Variants in ZNRF1 observed in about 807,000 individuals in gnomAD.
The protein encoded by ZNRF1 is zinc and ring finger 1.
In ZNRF1, 3 loss-of-function variants were observed where a neutral mutation model predicts 18.4. The ratio of observed to expected loss-of-function variants is 0.16; its 90% confidence interval spans 0.07 to 0.42. ZNRF1 has a LOEUF of 0.42. Among genes scored for constraint, ZNRF1 ranks in the 10% least tolerant of loss-of-function variants. The pLI is 0.99. For synonymous variants in ZNRF1, 157 were observed against 144.2 expected, an observed-to-expected ratio of 1.09 and a Z score of -0.64; for missense variants, 310 against 329.8, an observed-to-expected ratio of 0.94 and a Z score of 0.47.
intron 1 of ZNRF1, among the ~76,000 whole-genome samples, chr16:75,019,053 C>A (rs1281015510): frequency 6.6e-6 from 1 of 152,134 alleles, no homozygotes; most frequent in Non-Finnish European, 1.5e-5. Context: ...GTAATCCCAG[C>A]TACTCAGGAG....
chr16:75,059,225 CTTTCT>C (rs1285741972), intron 1 of ZNRF1, among the ~76,000 whole-genome samples: 11 of 97,294 alleles, frequency 1.1e-4, no homozygotes, highest in South Asian at 3.6e-4. Flanking sequence ...TTCCTTCTTT[CTTTCT>C]TTTTTTTTTT....
intron 1 of ZNRF1, among the ~76,000 whole-genome samples, chr16:75,067,962 C>T (rs942964483): frequency 6.6e-6 from 1 of 152,072 alleles, no homozygotes; most frequent in African/African-American, 2.4e-5. Flanking sequence ...TATTTATAAT[C>T]ATGTATTTAT....
chr16:75,085,898 T>C (rs746157762), intron 1 of ZNRF1, among the ~76,000 whole-genome samples: 3 of 151,076 alleles, frequency 2.0e-5, no homozygotes, highest in Non-Finnish European at 4.4e-5. Context: ...AGAAATCCCA[T>C]GATCTACCAT....
intron 1 of ZNRF1, among the ~76,000 whole-genome samples, chr16:75,025,944 G>A (rs1399486375): frequency 6.6e-6 from 1 of 152,226 alleles, no homozygotes; most frequent in Non-Finnish European, 1.5e-5. Flanking sequence ...TCTGCACTCA[G>A]CCTGGTGCTT....
At chr16:75,077,794 C>T (rs1305942680) in intron 1 of ZNRF1, among the ~76,000 whole-genome samples, 1 of 152,196 alleles carries the variant, frequency 6.6e-6, no homozygotes, top group Non-Finnish European at 1.5e-5. Flanking sequence ...GCCACGCTTT[C>T]CTTGGCTCAT....
intron 1 of ZNRF1, among the ~76,000 whole-genome samples, chr16:75,070,676 C>G (rs1480259611): frequency 1.3e-5 from 2 of 152,138 alleles, no homozygotes; most frequent in Admixed American, 6.5e-5. Flanking sequence ...CCCACCATAC[C>G]CCTTCCCAGT....
chr16:75,050,898 AC>A (rs1281156834), intron 1 of ZNRF1, among the ~76,000 whole-genome samples: 11,569 of 54,724 alleles, frequency 0.21, 4,287 homozygotes, highest in Non-Finnish European at 0.31. Context: ...ACAAAAAAAA[AC>A]AAAAAACTTG....
At chr16:75,000,198 C>G (rs764842063) in intron 1 of ZNRF1, 103 bp downstream of exon 1, 1 of 1,455,934 alleles carries the variant, frequency 6.9e-7, no homozygotes, top group East Asian at 2.5e-5. Flanking sequence ...CGACCGGGAT[C>G]TGTCTGCATT....
chr16:75,051,536 G>GGA (rs2035605461), intron 1 of ZNRF1, among the ~76,000 whole-genome samples: 1 of 150,414 alleles, frequency 6.6e-6, no homozygotes, highest in South Asian at 2.1e-4. Context: ...TTTTTTGGGG[G>GGA]GGACGGAGTC....
intron 1 of ZNRF1, among the ~76,000 whole-genome samples, chr16:75,085,786 C>CAGAGAGAGAGAG (rs1159653292): frequency 4.1e-5 from 2 of 48,900 alleles, no homozygotes; most frequent in African/African-American, 1.7e-4. Context: ...ACAGATCCGA[C>CAGAGAGAGAGAG]AGAGTGAGAG....
Position 74,999,418 on chromosome 16 carries a change from TTTGGACC to T in ZNRF1, c.-250_-244del. The stretch of plus-strand genomic sequence containing the variant: ...CGGAGCCCGCGCCGGACTGCGCCTC[TTTGGACC>T]TTGAGGGGAAACATGCGTTTGCCTT... On this transcript the variant is annotated 5_prime_UTR_variant, in exon 1 of 5. Coordinates refer to ENST00000335325, the MANE Select transcript of ZNRF1 (RefSeq NM_032268.5). The T allele has an allele frequency of 3.0e-6, 1 of 334,368 alleles. No individual in the cohort carries two copies. Among genetic ancestry groups the T allele is most frequent in the South Asian group, 1.5e-4 (1 of 6,550 alleles). The allele number at this position is 334,368 out of a possible 1,614,324, so 20.7% of individuals were successfully genotyped here.
chr16:75,025,947 T>A (rs1315033878), intron 1 of ZNRF1, among the ~76,000 whole-genome samples: 1 of 152,220 alleles, frequency 6.6e-6, no homozygotes, highest in Non-Finnish European at 1.5e-5. Flanking sequence ...GCACTCAGCC[T>A]GGTGCTTTTG....
intron 1 of ZNRF1, among the ~76,000 whole-genome samples, chr16:75,069,561 G>A (rs913444572): frequency 2.6e-5 from 4 of 152,178 alleles, no homozygotes; most frequent in African/African-American, 9.7e-5. Context: ...CTACAGGTGG[G>A]TGCCCCCATG....
chr16:75,037,397 G>A (rs1004138855), intron 1 of ZNRF1, among the ~76,000 whole-genome samples: 6 of 152,182 alleles, frequency 3.9e-5, no homozygotes, highest in Non-Finnish European at 7.3e-5. Context: ...CACCCAGGAT[G>A]GAGGACAGTG....
At position 75,015,841 on chromosome 16, in the gene ZNRF1, A is replaced by G. The variant is rs540846034; in HGVS notation, c.424+15746A>G. ...AAGATAGGGATATATATATTTTTCCATATGTGAATAACCAGCTCTCTCAGC... is the reference window on the plus strand; with the variant it reads ...AAGATAGGGATATATATATTTTTCCGTATGTGAATAACCAGCTCTCTCAGC... On this transcript the variant is annotated intron_variant, in intron 1 of 4. Coordinates refer to ENST00000335325, the MANE Select transcript of ZNRF1 (RefSeq NM_032268.5). Among the ~76,000 whole-genome samples the G allele has an allele frequency of 6.6e-5, 10 of 152,252 alleles. 1 individual carries two copies. The highest frequency in any genetic ancestry group is 2.2e-4 in the African/African-American group (9 of 41,540).
intron 1 of ZNRF1, among the ~76,000 whole-genome samples, chr16:75,089,792 A>G (rs931410817): frequency 6.6e-6 from 1 of 151,954 alleles, no homozygotes; most frequent in Admixed American, 6.6e-5. Context: ...TCCCTTGTAG[A>G]CCTTCTTGTT....
intron 1 of ZNRF1, among the ~76,000 whole-genome samples, chr16:75,078,283 A>G (rs1431679250): frequency 9.2e-6 from 1 of 108,734 alleles, no homozygotes. Flanking sequence ...TCTTCCATAC[A>G]TTTCTTTCTT....
chr16:75,106,062 C>T (rs954956754), intron 3 of ZNRF1: 20 of 179,538 alleles, frequency 1.1e-4, no homozygotes, highest in African/African-American at 4.0e-4. Flanking sequence ...CACCCAGAGC[C>T]GTGGCCCTCC....
At chr16:75,085,819 T>TGA (rs1054739310) in intron 1 of ZNRF1, among the ~76,000 whole-genome samples, 2 of 56,038 alleles carry the variant, frequency 3.6e-5, no homozygotes, top group African/African-American at 5.6e-5. Context: ...AGAGAGAGAG[T>TGA]GAGTGTGTGT....
Sources: gnomAD v4.1 joint callset for allele counts (sites outside exome capture counted in the v4.1 genomes callset) on GRCh38, gnomAD v4.1.1 for gene constraint, MANE v1.5 for transcripts, NCBI Gene and HGNC (gene_info 2026-07-23, HGNC 2026-07-21) for gene names.